NRG3: variants seen among roughly 807,000 people sequenced by gnomAD.
The protein encoded by NRG3 is neuregulin 3.
Under a neutral mutation model 66.9 loss-of-function variants are expected in NRG3, and 31 were observed. The ratio of observed to expected loss-of-function variants is 0.46; its 90% CI spans 0.35 to 0.63. The LOEUF (loss-of-function observed/expected upper bound fraction) is 0.63. Among genes scored for constraint, NRG3 ranks in the 20% least tolerant of loss-of-function variants. The pLI is 0.00. For synonymous variants in NRG3, 393 were observed against 359.4 expected, an observed-to-expected ratio of 1.09 and a Z score of -1.06; for missense variants, 910 against 878.9, an observed-to-expected ratio of 1.04 and a Z score of -0.45.
chr10:82,678,319 T>G (rs1040957981), intron 2 of NRG3, among the ~76,000 whole-genome samples: 2 of 152,060 alleles, frequency 1.3e-5, no homozygotes, highest in Non-Finnish European at 2.9e-5. Context: ...GGGACCGTTT[T>G]ATAAGATTTG....
intron 3 of NRG3, among the ~76,000 whole-genome samples, chr10:82,779,340 C>T (rs1263317613): frequency 3.3e-5 from 5 of 152,132 alleles, no homozygotes; most frequent in African/African-American, 9.7e-5. Flanking sequence ...TAGCTGGGGG[C>T]ATGAGTGGCA....
intron 3 of NRG3, among the ~76,000 whole-genome samples, chr10:82,825,679 C>G (rs1394813802): frequency 6.6e-6 from 1 of 152,130 alleles, no homozygotes; most frequent in African/African-American, 2.4e-5. Flanking sequence ...AAAGCACAGG[C>G]AAATTGACAT....
In NRG3 at chr10:82,971,617, A is replaced by C. The variant is rs373607285; in HGVS notation, c.1285-2171A>C. ...ATGCCCAGCTAATTTTTGTACTTTT[A>C]GTAGAGACAGGGTTTCACCATGTTT... On this transcript the variant is annotated intron_variant, in intron 6 of 8. Transcript: ENST00000372141. Among the ~76,000 whole-genome samples, 177 of 151,970 alleles carry C rather than the reference A, an allele frequency of 1.2e-3. 3 individuals carry two copies. Among genetic ancestry groups the C allele is most frequent in the African/African-American group, 4.0e-3 (166 of 41,458 alleles).
intron 2 of NRG3, among the ~76,000 whole-genome samples, chr10:82,407,023 C>A (rs1175159695): frequency 2.0e-5 from 3 of 151,454 alleles, no homozygotes; most frequent in South Asian, 2.1e-4. Flanking sequence ...TTCTACTTTC[C>A]CCAGTAAATA....
intron 1 of NRG3, among the ~76,000 whole-genome samples, chr10:82,089,772 G>A (rs375456306): frequency 2.6e-5 from 4 of 152,330 alleles, no homozygotes; most frequent in African/African-American, 7.2e-5. Flanking sequence ...AGTTGAAGAT[G>A]TGTAGATTTA....
At chr10:82,825,516 T>G (rs190525671) in intron 3 of NRG3, among the ~76,000 whole-genome samples, 57 of 152,314 alleles carry the variant, frequency 3.7e-4, no homozygotes, top group African/African-American at 1.3e-3. Context: ...GTGGAAACTC[T>G]AAGCACAGCT....
intron 2 of NRG3, among the ~76,000 whole-genome samples, chr10:82,376,276 A>C: frequency 6.6e-6 from 1 of 152,156 alleles, no homozygotes; most frequent in East Asian, 1.9e-4. Context: ...CAGAGCAAAC[A>C]AATTTGGATC....
In NRG3 at chr10:82,682,339, A is replaced by G. The variant is rs544196357; in HGVS notation, c.954-56238A>G. Among the ~76,000 whole-genome samples the G allele has an allele frequency of 8.5e-5, 13 of 152,230 alleles. No homozygotes were observed. The South Asian group carries it at 2.3e-3, about 27-fold the overall frequency. ...TCACACACTGTTCACTTAGATATAG[A>G]TAGATAGATGAAAGATAAGATAGAT... is the stretch of plus-strand genomic sequence containing the variant. On this transcript the variant is annotated intron_variant, in intron 2 of 8. Coordinates refer to ENST00000372141, the MANE Select transcript of NRG3 (RefSeq NM_001010848.4).
intron 4 of NRG3, among the ~76,000 whole-genome samples, chr10:82,888,465 C>T (rs17101024): frequency 2.0e-5 from 3 of 152,020 alleles, no homozygotes; most frequent in Admixed American, 2.0e-4. Flanking sequence ...TAAAAAATCC[C>T]CAGACCTTCT....
intron 2 of NRG3, among the ~76,000 whole-genome samples, chr10:82,583,400 T>C (rs2046476969): frequency 1.3e-5 from 2 of 152,234 alleles, no homozygotes; most frequent in South Asian, 4.1e-4. Context: ...CTGTTGAAAA[T>C]TAAAATTGTT....
chr10:81,952,620 C>A (rs1033542361), intron 1 of NRG3, among the ~76,000 whole-genome samples: 3 of 152,036 alleles, frequency 2.0e-5, no homozygotes, highest in African/African-American at 7.2e-5. Context: ...TTTTGTTTTT[C>A]AGTGACACAG....
At chr10:82,013,040 A>G (rs11192165) in intron 1 of NRG3, among the ~76,000 whole-genome samples, 12,177 of 152,188 alleles carry the variant, frequency 0.08, 1,591 homozygotes, top group African/African-American at 0.27. Context: ...CCACTCTACC[A>G]GTACCAATTT....
At chr10:82,405,760 G>A (rs888103191) in intron 2 of NRG3, among the ~76,000 whole-genome samples, 3 of 152,162 alleles carry the variant, frequency 2.0e-5, no homozygotes, top group East Asian at 1.9e-4. Context: ...GAGCCACAGC[G>A]CCTAGCCTGG....
intron 1 of NRG3, among the ~76,000 whole-genome samples, chr10:82,156,123 GTCC>G (rs1191577433): frequency 6.6e-6 from 1 of 151,532 alleles, no homozygotes; most frequent in African/African-American, 2.4e-5. Flanking sequence ...TGCTAACATT[GTCC>G]TCCTTATTAA....
At chr10:82,107,311 G>T (rs890186051) in intron 1 of NRG3, among the ~76,000 whole-genome samples, 5 of 152,136 alleles carry the variant, frequency 3.3e-5, no homozygotes, top group Non-Finnish European at 7.4e-5. Flanking sequence ...GTACCAGACT[G>T]AATAGAAAAT....
At chr10:82,207,989 G>T (rs2075209471) in intron 1 of NRG3, among the ~76,000 whole-genome samples, 1 of 152,086 alleles carries the variant, frequency 6.6e-6, no homozygotes, top group South Asian at 2.1e-4. Flanking sequence ...AATATTAATT[G>T]ACATACAGTA....
At chr10:82,159,347 T>C (rs923950882) in intron 1 of NRG3, among the ~76,000 whole-genome samples, 2 of 151,816 alleles carry the variant, frequency 1.3e-5, no homozygotes, top group Admixed American at 1.3e-4. Context: ...ACTCCAAATA[T>C]CTCTAACTGC....
intron 3 of NRG3, among the ~76,000 whole-genome samples, chr10:82,744,867 A>G (rs1019109981): frequency 6.6e-5 from 10 of 152,152 alleles, no homozygotes; most frequent in Non-Finnish European, 1.5e-4. Flanking sequence ...TGCTTGGGAC[A>G]TTGTGAGAGC....
chr10:82,810,663 G>A (rs2061453030), intron 3 of NRG3, among the ~76,000 whole-genome samples: 3 of 150,982 alleles, frequency 2.0e-5, no homozygotes, highest in East Asian at 2.0e-4. Flanking sequence ...CTCGGGAGGC[G>A]GAGGCAGGAG....
Sources: allele counts gnomAD v4.1 joint callset (sites outside exome capture counted in the v4.1 genomes callset), GRCh38; gene constraint gnomAD v4.1.1; transcripts MANE v1.5; gene names NCBI Gene and HGNC (gene_info 2026-07-23, HGNC 2026-07-21).